Variants in PAPPA2 observed in about 807,000 individuals in gnomAD.
PAPPA2 encodes the protein pappalysin 2, also known as pappalysin-2.
A neutral mutation model predicts 176.4 loss-of-function variants in PAPPA2; 86 were observed. The ratio of observed to expected loss-of-function variants is 0.49; its 90% CI spans 0.41 to 0.58. PAPPA2 has a LOEUF of 0.58. Ranked by LOEUF, PAPPA2 falls within the 20% of genes least tolerant of loss-of-function variation. PAPPA2 has a pLI of 0.00. For synonymous variants in PAPPA2, 809 were observed against 852.2 expected, an observed-to-expected ratio of 0.95 and a Z score of 0.88; for missense variants, 2,073 against 2,256.9, an observed-to-expected ratio of 0.92 and a Z score of 1.65.
chr1:176,640,866 T>G (rs1168903729), intron 3 of PAPPA2, among the ~76,000 whole-genome samples: 1 of 151,218 alleles, frequency 6.6e-6, no homozygotes, highest in African/African-American at 2.4e-5. Context: ...TTCCTGACTT[T>G]TTAATGATTG....
chr1:176,527,674 A>G (rs1649573540), intron 1 of PAPPA2, among the ~76,000 whole-genome samples: 1 of 152,332 alleles, frequency 6.6e-6, no homozygotes, highest in East Asian at 1.9e-4. Flanking sequence ...GGCTAAGCCT[A>G]TATATTCAGA....
chr1:176,685,564 T>C (rs1017676099), intron 4 of PAPPA2, among the ~76,000 whole-genome samples: 5 of 152,224 alleles, frequency 3.3e-5, no homozygotes, highest in Non-Finnish European at 7.3e-5. Flanking sequence ...TAATATAAAA[T>C]GGTAATGACA....
chr1:176,657,226 T>C (rs1007689264), intron 3 of PAPPA2, among the ~76,000 whole-genome samples: 4 of 151,802 alleles, frequency 2.6e-5, no homozygotes, highest in African/African-American at 9.7e-5. Context: ...ATCTGTCAGA[T>C]GAAAAGAAGT....
chr1:176,754,781 C>G lies in PAPPA2; in HGVS notation c.4152-10885C>G, dbSNP rs1663339962. 2.6e-5 allele frequency among the ~76,000 whole-genome samples: 4 copies of G among 152,322 alleles called. No individual in the cohort carries two copies. In the South Asian group the frequency reaches 8.3e-4, roughly 32 times the overall value. ...AAATAAAAGGAAACCAGTAGTATTTCCAAGGTTCTGTCATTTTGCCAGCCT... is the reference window on the plus strand; with the variant it reads ...AAATAAAAGGAAACCAGTAGTATTTGCAAGGTTCTGTCATTTTGCCAGCCT... On this transcript the variant is annotated intron_variant, in intron 14 of 22. Coordinates refer to ENST00000367662, the MANE Select transcript of PAPPA2 (RefSeq NM_020318.3).
intron 20 of PAPPA2, among the ~76,000 whole-genome samples, chr1:176,796,708 CT>C (rs756628868): frequency 3.9e-5 from 5 of 129,500 alleles, no homozygotes; most frequent in Non-Finnish European, 8.5e-5. Flanking sequence ...CTCTTTCTTT[CT>C]TTTTCTTTCT....
intron 1 of PAPPA2, among the ~76,000 whole-genome samples, chr1:176,522,154 A>G (rs796187200): frequency 1.4e-4 from 22 of 152,348 alleles, no homozygotes; most frequent in African/African-American, 4.8e-4. Context: ...GCATTTAAAC[A>G]TTCCTTTTAT....
chr1:176,465,022 G>A lies in PAPPA2; in HGVS notation c.-917+1604G>A, dbSNP rs146237888. On this transcript the variant is annotated intron_variant, in intron 1 of 22. Transcript: ENST00000367662. Reference sequence around the variant, plus strand: ...AATACACGTATAATTTTATAATCTTGCATTTTCACTTAAAATTGCATATTT... The same window carrying A: ...AATACACGTATAATTTTATAATCTTACATTTTCACTTAAAATTGCATATTT... Among the ~76,000 whole-genome samples, 1,412 of 152,166 alleles carry A rather than the reference G, an allele frequency of 9.3e-3. 10 individuals are homozygous for A. The highest frequency in any genetic ancestry group is 0.017 in the Non-Finnish European group (1,125 of 68,008).
At chr1:176,650,867 A>G (rs1165598862) in intron 3 of PAPPA2, among the ~76,000 whole-genome samples, 2 of 151,578 alleles carry the variant, frequency 1.3e-5, no homozygotes, top group African/African-American at 2.4e-5. Flanking sequence ...TCCTAGATCT[A>G]TTATAGGCTT....
intron 12 of PAPPA2, among the ~76,000 whole-genome samples, chr1:176,736,870 T>C (rs962654429): frequency 6.6e-6 from 1 of 151,840 alleles, no homozygotes; most frequent in African/African-American, 2.4e-5. Context: ...GAGCCTACAA[T>C]ATTGATCATT....
In PAPPA2 at chr1:176,594,278, T is replaced by C. The variant is rs71628208; in HGVS notation, c.920-246T>C. 4.4e-3 allele frequency among the ~76,000 whole-genome samples: 672 copies of C among 152,380 alleles called. 4 individuals are homozygous for C. The highest frequency in any genetic ancestry group is 0.014 in the Middle Eastern group (4 of 294). On this transcript the variant is annotated intron_variant, in intron 2 of 22. Transcript: ENST00000367662. ...TGCTTTCCAGCTTCCATTTTAGTTA[T>C]GTAAACATACCAGAATGAGTTAACT...
chr1:176,785,599 G>C (rs1405724499), intron 17 of PAPPA2, among the ~76,000 whole-genome samples: 1 of 152,278 alleles, frequency 6.6e-6, no homozygotes, highest in South Asian at 2.1e-4. Flanking sequence ...TGCCTGCAGT[G>C]CCTCCTCTCC....
chr1:176,838,710 C>T (rs989646574), intron 21 of PAPPA2, among the ~76,000 whole-genome samples: 4 of 152,214 alleles, frequency 2.6e-5, no homozygotes, highest in Admixed American at 1.3e-4. Flanking sequence ...GACAAATGCT[C>T]ATTACAGAAT....
At chr1:176,625,886 A>C (rs1215109812) in intron 3 of PAPPA2, among the ~76,000 whole-genome samples, 1 of 152,048 alleles carries the variant, frequency 6.6e-6, no homozygotes, top group Admixed American at 6.6e-5. Context: ...ATCCAGATGT[A>C]GTGGTGTGCA....
At chr1:176,477,608 G>T (rs1238149054) in intron 1 of PAPPA2, among the ~76,000 whole-genome samples, 1 of 152,022 alleles carries the variant, frequency 6.6e-6, no homozygotes, top group African/African-American at 2.4e-5. Context: ...AGCTGGGAGT[G>T]GTGGTGTGTG....
intron 12 of PAPPA2, among the ~76,000 whole-genome samples, chr1:176,730,046 A>G (rs568416217): frequency 6.6e-6 from 1 of 151,860 alleles, no homozygotes; most frequent in South Asian, 2.1e-4. Context: ...GTATTGTTGG[A>G]TTTTATTGGG....
Position 176,650,503 on chromosome 1 carries a change from C to T in PAPPA2, c.1992-20467C>T, listed in dbSNP as rs556527368. Among the ~76,000 whole-genome samples, 75 of 151,564 alleles carry T rather than the reference C, an allele frequency of 4.9e-4. 1 individual carries two copies. In the South Asian group the frequency reaches 0.015, roughly 31 times the overall value. ...ATACATGTGCCATGTTGGTGTGCTG[C>T]ACCCATTAACTTGTCATTTACATTA... On this transcript the variant is annotated intron_variant, in intron 3 of 22. Coordinates refer to ENST00000367662, the MANE Select transcript of PAPPA2 (RefSeq NM_020318.3).
chr1:176,729,328 T>C (rs1045992244), intron 12 of PAPPA2, among the ~76,000 whole-genome samples: 1 of 152,108 alleles, frequency 6.6e-6, no homozygotes, highest in African/African-American at 2.4e-5. Flanking sequence ...CTCTCTTTTA[T>C]ATTCCATTGG....
At chr1:176,821,210 G>A (rs1279453597) in intron 21 of PAPPA2, among the ~76,000 whole-genome samples, 1 of 151,846 alleles carries the variant, frequency 6.6e-6, no homozygotes, top group Non-Finnish European at 1.5e-5. Context: ...CCATCACAGT[G>A]TACACAATAG....
At chr1:176,677,112 G>T (rs1450333202) in intron 4 of PAPPA2, among the ~76,000 whole-genome samples, 1 of 152,056 alleles carries the variant, frequency 6.6e-6, no homozygotes, top group African/African-American at 2.4e-5. Context: ...ATTTCTTCTT[G>T]TTCAATCATA....
Sources: gnomAD v4.1 joint callset for allele counts (sites outside exome capture counted in the v4.1 genomes callset) on GRCh38, gnomAD v4.1.1 for gene constraint, MANE v1.5 for transcripts, NCBI Gene and HGNC (gene_info 2026-07-23, HGNC 2026-07-21) for gene names.